The following KCTD20 variants were observed in gnomAD, a reference collection of about 807,000 sequenced individuals.
The protein encoded by KCTD20 is potassium channel tetramerization domain containing 20.
A neutral mutation model predicts 39.6 loss-of-function variants in KCTD20; 30 were observed. The ratio of observed to expected loss-of-function variants is 0.76; its 90% CI spans 0.57 to 1.03. The LOEUF (loss-of-function observed/expected upper bound fraction) is 1.03, where lower values mean the gene tolerates loss of function less well. Ranked by LOEUF, KCTD20 falls within the 50% of genes least tolerant of loss-of-function variation. The probability of loss-of-function intolerance (pLI) is 0.00; values close to 1 mark genes in which losing one functional copy is unlikely to be tolerated. For missense variants in KCTD20, 422 were observed against 522.0 expected (o/e 0.81, Z 1.87); for synonymous variants, 162 against 180.6 (o/e 0.90, Z 0.83).
chr6:36,483,184 A>G (rs1000945710), intron 6 of KCTD20, among the ~76,000 whole-genome samples: 9 of 151,222 alleles, frequency 6.0e-5, no homozygotes, highest in Non-Finnish European at 1.2e-4. Flanking sequence ...ATCCTCCATA[A>G]AATTTGTACC....
chr6:36,485,014 A>G (rs1345421236), intron 7 of KCTD20, among the ~76,000 whole-genome samples, 190 bp downstream of exon 7: 1 of 152,124 alleles, frequency 6.6e-6, no homozygotes, highest in Non-Finnish European at 1.5e-5. Flanking sequence ...AAATGGTTCA[A>G]AGCAGCCACA....
chr6:36,445,148 G>C (rs1774999319), intron 1 of KCTD20, among the ~76,000 whole-genome samples: 1 of 151,612 alleles, frequency 6.6e-6, no homozygotes, highest in Non-Finnish European at 1.5e-5. Context: ...TGTAATCCCA[G>C]CTACACGGGA....
At chr6:36,456,034 T>TA (rs1395109933) in intron 1 of KCTD20, among the ~76,000 whole-genome samples, 1 of 152,208 alleles carries the variant, frequency 6.6e-6, no homozygotes, top group African/African-American at 2.4e-5. Context: ...GCCACTTCAC[T>TA]AGTTGTCTGA....
chr6:36,468,764 C>T (rs772934080), intron 1 of KCTD20, among the ~76,000 whole-genome samples: 3 of 152,146 alleles, frequency 2.0e-5, no homozygotes, highest in African/African-American at 4.8e-5. Flanking sequence ...GGTTTTCTAT[C>T]AATACATTCA....
chr6:36,456,427 C>T (rs748996603), intron 1 of KCTD20, among the ~76,000 whole-genome samples: 1 of 152,080 alleles, frequency 6.6e-6, no homozygotes, highest in Non-Finnish European at 1.5e-5. Flanking sequence ...TACAGGCGCC[C>T]GTCACCACAT....
At chr6:36,467,327 T>A (rs1775787077) in intron 1 of KCTD20, among the ~76,000 whole-genome samples, 7 of 32,204 alleles carry the variant, frequency 2.2e-4, no homozygotes, top group Non-Finnish European at 3.0e-4. Context: ...GATTTTTTTT[T>A]TTTTTTTTTT....
At chr6:36,474,025 A>G (rs961955500) in intron 2 of KCTD20, among the ~76,000 whole-genome samples, 2 of 152,198 alleles carry the variant, frequency 1.3e-5, no homozygotes, top group Non-Finnish European at 2.9e-5. Context: ...TGGAAAATTA[A>G]AGACTATCAT....
chr6:36,447,815 ACT>A (rs762752834), intron 1 of KCTD20, among the ~76,000 whole-genome samples: 10 of 151,170 alleles, frequency 6.6e-5, no homozygotes, highest in Non-Finnish European at 1.2e-4. Context: ...ACATGGCACG[ACT>A]CTGTCTCTAC....
intron 1 of KCTD20, among the ~76,000 whole-genome samples, chr6:36,465,105 A>G (rs765283130): frequency 6.6e-5 from 10 of 152,132 alleles, no homozygotes; most frequent in Admixed American, 3.3e-4. Context: ...AGACCATCCT[A>G]GCCAACATGA....
intron 1 of KCTD20, among the ~76,000 whole-genome samples, chr6:36,448,384 A>C (rs1775123376): frequency 6.6e-6 from 1 of 152,250 alleles, no homozygotes; most frequent in Non-Finnish European, 1.5e-5. Flanking sequence ...CAATTTCCTT[A>C]GAATAAAACA....
intron 1 of KCTD20, among the ~76,000 whole-genome samples, chr6:36,467,211 G>A (rs1233924587): frequency 6.6e-6 from 1 of 150,938 alleles, no homozygotes; most frequent in African/African-American, 2.4e-5. Flanking sequence ...GGGAGGCTGA[G>A]GCAGGAGAGT....
chr6:36,454,369 T>G (rs1775364269), intron 1 of KCTD20, among the ~76,000 whole-genome samples: 1 of 148,488 alleles, frequency 6.7e-6, no homozygotes, highest in Non-Finnish European at 1.5e-5. Context: ...TGAGATGGAG[T>G]CTCGCTCTGT....
chr6:36,471,201 A>G (rs1211950150), intron 2 of KCTD20, among the ~76,000 whole-genome samples: 1 of 152,092 alleles, frequency 6.6e-6, no homozygotes, highest in African/African-American at 2.4e-5. Flanking sequence ...TAGATTAACA[A>G]ATTAATAGAT....
intron 3 of KCTD20, among the ~76,000 whole-genome samples, chr6:36,477,549 C>T (rs1327800539): frequency 2.0e-5 from 3 of 148,654 alleles, no homozygotes; most frequent in African/African-American, 7.4e-5. Flanking sequence ...CGCGCGATCT[C>T]AGCTCACTGC....
intron 5 of KCTD20, 68 bp downstream of exon 5, chr6:36,479,779 A>ATTTT (rs58609674): frequency 4.8e-4 from 129 of 268,326 alleles, no homozygotes; most frequent in South Asian, 1.5e-3. Flanking sequence ...GAAGTCACCG[A>ATTTT]TTTTTTTTTT....
At chr6:36,447,056 A>G (rs895537250) in intron 1 of KCTD20, among the ~76,000 whole-genome samples, 1 of 152,202 alleles carries the variant, frequency 6.6e-6, no homozygotes, top group African/African-American at 2.4e-5. Context: ...TTTGACTTCA[A>G]AGCCATTAAA....
intron 1 of KCTD20, among the ~76,000 whole-genome samples, chr6:36,468,589 T>C (rs948435820): frequency 6.6e-6 from 1 of 152,260 alleles, no homozygotes; most frequent in Non-Finnish European, 1.5e-5. Flanking sequence ...CTTTATCTTA[T>C]TCTGTAGACT....
chr6:36,448,013 G>GTGTGTGTA (rs1554158507), intron 1 of KCTD20, among the ~76,000 whole-genome samples: 1 of 128,952 alleles, frequency 7.8e-6, no homozygotes, highest in Non-Finnish European at 1.6e-5. Context: ...GTATGTGTGT[G>GTGTGTGTA]TGTATATATA....
At chr6:36,477,013 T>C (rs927944776) in intron 3 of KCTD20, among the ~76,000 whole-genome samples, 1 of 152,242 alleles carries the variant, frequency 6.6e-6, no homozygotes, top group Non-Finnish European at 1.5e-5. Context: ...CACTGGTTTT[T>C]TGAATCTTGG....
Sources: allele counts gnomAD v4.1 joint callset (sites outside exome capture counted in the v4.1 genomes callset), GRCh38; gene constraint gnomAD v4.1.1; transcripts MANE v1.5; gene names NCBI Gene and HGNC (gene_info 2026-07-23, HGNC 2026-07-21).